The following PRKN variants were observed in gnomAD, a reference collection of about 807,000 sequenced individuals.
The protein encoded by PRKN is E3 ubiquitin-protein ligase parkin.
PRKN carries 56 observed loss-of-function variants against 59.5 expected under a neutral mutation model. The observed-to-expected ratio is 0.94, with a 90% CI of 0.76 to 1.18. PRKN has a LOEUF of 1.18. Among genes scored for constraint, PRKN ranks in the 50% most tolerant of loss-of-function variants. PRKN has a pLI of 0.00. For missense variants in PRKN, 657 were observed against 596.4 expected, an observed-to-expected ratio of 1.10 and a Z score of -1.06; for synonymous variants, 250 against 222.1, an observed-to-expected ratio of 1.13 and a Z score of -1.12.
At chr6:162,443,685 C>T (rs1790173086) in intron 1 of PRKN, among the ~76,000 whole-genome samples, 1 of 152,122 alleles carries the variant, frequency 6.6e-6, no homozygotes, top group Admixed American at 6.5e-5. Flanking sequence ...TTCATATATT[C>T]GTCAGTGACC....
chr6:162,495,276 C>T (rs1251530568), intron 1 of PRKN, among the ~76,000 whole-genome samples: 1 of 152,182 alleles, frequency 6.6e-6, no homozygotes, highest in Non-Finnish European at 1.5e-5. Flanking sequence ...CCAAAAAGAT[C>T]TAAGTATACA....
chr6:162,333,921 G>C (rs1047949218), intron 2 of PRKN, among the ~76,000 whole-genome samples: 2 of 152,146 alleles, frequency 1.3e-5, no homozygotes, highest in African/African-American at 4.8e-5. Flanking sequence ...ACACACAAAC[G>C]AAACGAAAGC....
At chr6:161,913,516 AAAATT>A (rs550306769) in intron 6 of PRKN, among the ~76,000 whole-genome samples, 8 of 152,352 alleles carry the variant, frequency 5.3e-5, no homozygotes, top group African/African-American at 1.9e-4. Context: ...AACAATGAAT[AAAATT>A]AAATTAAGTG....
intron 3 of PRKN, among the ~76,000 whole-genome samples, chr6:162,238,116 T>C (rs1778820456): frequency 1.3e-5 from 2 of 152,242 alleles, no homozygotes; most frequent in South Asian, 2.1e-4. Context: ...TATATGTGTT[T>C]GGTATTTTAA....
At chr6:161,939,418 CA>C (rs34604240) in intron 6 of PRKN, among the ~76,000 whole-genome samples, 3,644 of 39,202 alleles carry the variant, frequency 0.093, 36 homozygotes, top group South Asian at 0.23. Context: ...GACTCTGTCT[CA>C]AAAAAAAAAA....
rs1787512745 is a variant in PRKN, at chr6:161,410,980, A to C, written c.1084-24103T>G. Reference sequence around the variant, plus strand: ...AAACCGGTTTCCTCAGGTGGAAGGAAGGCAGTTGACTCATCCTGCTTCCCT... The same window carrying C: ...AAACCGGTTTCCTCAGGTGGAAGGACGGCAGTTGACTCATCCTGCTTCCCT... On this transcript the variant is annotated intron_variant, in intron 9 of 11. Coordinates refer to ENST00000366898, the MANE Select transcript of PRKN (RefSeq NM_004562.3). The surrounding 1 kb of genome is among the most constrained non-coding windows in gnomAD (Gnocchi z 5.3). Among the ~76,000 whole-genome samples, 1 of 152,168 alleles carries C rather than the reference A, an allele frequency of 6.6e-6. No homozygotes were observed. Among genetic ancestry groups the C allele is most frequent in the Non-Finnish European group, 1.5e-5 (1 of 68,026 alleles).
intron 1 of PRKN, among the ~76,000 whole-genome samples, chr6:162,627,307 G>A (rs542535211): frequency 6.6e-6 from 1 of 152,282 alleles, no homozygotes; most frequent in South Asian, 2.1e-4. Context: ...CCAGAATAGA[G>A]GGCATTCAAT....
chr6:162,389,149 T>G (rs778087775), intron 2 of PRKN, among the ~76,000 whole-genome samples: 2 of 152,126 alleles, frequency 1.3e-5, no homozygotes, highest in Non-Finnish European at 2.9e-5. Context: ...GCAGGCTAGT[T>G]TGTGTTCTCC....
At chr6:161,716,117 C>A (rs1369478131) in intron 7 of PRKN, 21 of 1,346,478 alleles carry the variant, frequency 1.6e-5, no homozygotes, top group Non-Finnish European at 2.1e-5. Context: ...CTAAGCACCA[C>A]TGTGTCTCCA....
rs913888995 is a variant in PRKN at position 161,405,564 on chromosome 6, C to G, written c.1084-18687G>C. On this transcript the variant is annotated intron_variant, in intron 9 of 11. Coordinates refer to ENST00000366898, the MANE Select transcript of PRKN (RefSeq NM_004562.3). This position sits in a 1 kb window ranked among gnomAD's most constrained non-coding sequence, Gnocchi z 5.1. ...TTGCACCCCACTCCAGCCTGGGTGA[C>G]AAAGCAAGACCCTGTCTAAAAAATA... Among the ~76,000 whole-genome samples, 1 of 150,052 alleles carries G rather than the reference C, an allele frequency of 6.7e-6. No individual in the cohort carries two copies. Among genetic ancestry groups the G allele is most frequent in the African/African-American group, 2.5e-5 (1 of 40,612 alleles).
Position 161,550,958 on chromosome 6 carries a change from A to G in PRKN, c.934-1955T>C, listed in dbSNP as rs987027770. On this transcript the variant is annotated intron_variant, in intron 8 of 11. Transcript: ENST00000366898. The surrounding 1 kb of genome is among the most constrained non-coding windows in gnomAD (Gnocchi z 4.0). ...TCCATTTTCTCATTCTTCTGTCCCC[A>G]GGAAAGAAAGAAAAAGATGACCTGG... Among the ~76,000 whole-genome samples the G allele has an allele frequency of 6.6e-6, 1 of 152,110 alleles. No homozygotes were observed. The highest frequency in any genetic ancestry group is 1.5e-5 in the Non-Finnish European group (1 of 68,014).
chr6:162,213,560 TA>T (rs1292571643), intron 3 of PRKN, among the ~76,000 whole-genome samples: 1 of 151,818 alleles, frequency 6.6e-6, no homozygotes, highest in Non-Finnish European at 1.5e-5. Context: ...ACTTCATCTC[TA>T]CAAAAAATAA....
In PRKN at chr6:161,370,046, A is replaced by T. The variant is rs746971778; in HGVS notation, c.1168-9841T>A. On this transcript the variant is annotated intron_variant, in intron 10 of 11. Coordinates refer to ENST00000366898, the MANE Select transcript of PRKN (RefSeq NM_004562.3). ...TTACTTTGTTATTGTAATCATCACG[A>T]TCATCTCTAAAGAGATGGGAATATG... The T allele has an allele frequency of 9.9e-5, 43 of 433,062 alleles. 1 individual carries two copies. Among genetic ancestry groups the T allele is most frequent in the South Asian group, 4.5e-4 (28 of 61,666 alleles). The allele number at this position is 433,062 out of a possible 1,614,324, so 26.8% of individuals were successfully genotyped here. A position where few individuals can be genotyped will look rare whatever the true frequency, so the allele number is the denominator to read the frequency against.
At chr6:161,565,377 G>C (rs1780602300) in intron 8 of PRKN, among the ~76,000 whole-genome samples, 1 of 152,002 alleles carries the variant, frequency 6.6e-6, no homozygotes, top group African/African-American at 2.4e-5. Context: ...CTCCTGACAT[G>C]GTTTGGCTGT....
chr6:161,992,826 C>T (rs978449624), intron 5 of PRKN, among the ~76,000 whole-genome samples: 5 of 152,072 alleles, frequency 3.3e-5, no homozygotes, highest in East Asian at 1.9e-4. Flanking sequence ...TACAAATACA[C>T]GGAAATTTAA....
intron 7 of PRKN, among the ~76,000 whole-genome samples, chr6:161,598,746 A>G (rs901621466): frequency 6.6e-6 from 1 of 152,186 alleles, no homozygotes; most frequent in African/African-American, 2.4e-5. Flanking sequence ...TAGATTAGTA[A>G]ACTCTTCTTG....
intron 4 of PRKN, among the ~76,000 whole-genome samples, chr6:162,140,495 A>C (rs1281843228): frequency 6.6e-6 from 1 of 152,128 alleles, no homozygotes; most frequent in Non-Finnish European, 1.5e-5. Flanking sequence ...TGTGAGGGAG[A>C]GAATGTGTGT....
rs1334006179 is a variant in PRKN at position 162,435,771 on chromosome 6, G to A, written c.171+7539C>T. Reference sequence around the variant, plus strand: ...CTTGTATCAGTCCTGTAGTGAATGAGCATCTCATTTACATGACCAATCTCT... The same window carrying A: ...CTTGTATCAGTCCTGTAGTGAATGAACATCTCATTTACATGACCAATCTCT... On this transcript the variant is annotated intron_variant, in intron 2 of 11. Transcript: ENST00000366898. Among the ~76,000 whole-genome samples, 3 of 152,138 alleles carry A rather than the reference G, an allele frequency of 2.0e-5. No individual in the cohort carries two copies. In the East Asian group the frequency reaches 5.8e-4, roughly 29 times the overall value.
At chr6:162,252,447 T>C (rs1424175777) in intron 3 of PRKN, among the ~76,000 whole-genome samples, 2 of 152,228 alleles carry the variant, frequency 1.3e-5, no homozygotes, top group African/African-American at 4.8e-5. Flanking sequence ...TGCAAACTTC[T>C]CCCACTGCTA....
Sources: gnomAD v4.1 joint callset for allele counts (sites outside exome capture counted in the v4.1 genomes callset) on GRCh38, gnomAD v4.1.1 for gene constraint, Gnocchi (gnomAD v3.1) non-coding constraint, MANE v1.5 for transcripts, NCBI Gene and HGNC (gene_info 2026-07-23, HGNC 2026-07-21) for gene names.